The following IL22RA2 variants were observed in gnomAD, a reference collection of about 807,000 sequenced individuals.
The protein encoded by IL22RA2 is interleukin-22 receptor subunit alpha-2.
IL22RA2 carries 39 observed loss-of-function variants against 30.7 expected under a neutral mutation model. The observed-to-expected ratio is 1.27, with a 90% CI of 0.98 to 1.66. The LOEUF is 1.66. Ranked by LOEUF, IL22RA2 falls within the 40% of genes most tolerant of loss-of-function variation. The pLI is 0.00. For synonymous variants in IL22RA2, 103 were observed against 105.0 expected (o/e 0.98, Z 0.11); for missense variants, 315 against 312.7 (o/e 1.01, Z -0.05).
At chr6:137,164,718 C>T (rs1961618) in intron 1 of IL22RA2, among the ~76,000 whole-genome samples, 25,201 of 152,160 alleles carry the variant, frequency 0.17, 2,337 homozygotes, top group East Asian at 0.41. Flanking sequence ...TGAGGTCGGC[C>T]GCCTTAGGTC....
Position 137,155,005 on chromosome 6 carries a change from C to T in IL22RA2, c.408G>A (p.Arg136=). The change falls in exon 5 of 7, where the codon AGG becomes AGA. Residue 136 remains arginine (R), a synonymous_variant. Coordinates refer to ENST00000296980, the MANE Select transcript of IL22RA2 (RefSeq NM_052962.3). ...CTGAGTAGCTCCCAGCCGAGGCCGCCCTCACCCTCCCGTAATAAGGTTCCT... is the reference window on the plus strand; with the variant it reads ...CTGAGTAGCTCCCAGCCGAGGCCGCTCTCACCCTCCCGTAATAAGGTTCCT... ...DIQEPYYGRV[R]AASAGSYSEW... 1.9e-6 allele frequency: 3 copies of T among 1,614,014 alleles called. No homozygotes were observed. The highest frequency in any genetic ancestry group is 2.5e-6 in the Non-Finnish European group (3 of 1,179,936).
intron 2 of IL22RA2, among the ~76,000 whole-genome samples, chr6:137,159,447 A>G (rs1056182862): frequency 6.6e-6 from 1 of 151,920 alleles, no homozygotes; most frequent in Non-Finnish European, 1.5e-5. Flanking sequence ...CAGCCTCCTG[A>G]GTAGCTGGGA....
At position 137,147,981 on chromosome 6, in the gene IL22RA2, G is replaced by C. The variant is rs28362171; in HGVS notation, c.473-90C>G. On this transcript the variant is annotated intron_variant, in intron 5 of 6. Transcript: ENST00000296980. ...GTATAATGACAAATCAGCATGGTGGGAGGATCACCTGAGCCCAGGGAGGCC... is the reference window on the plus strand; with the variant it reads ...GTATAATGACAAATCAGCATGGTGGCAGGATCACCTGAGCCCAGGGAGGCC... 5,513 of 1,221,732 alleles carry C rather than the reference G, an allele frequency of 4.5e-3. 220 individuals carry two copies. In the African/African-American group the frequency reaches 0.077, roughly 17 times the overall value. 75.7% of individuals were successfully genotyped at this position (1,221,732 alleles called of 1,614,324 possible).
At chr6:137,156,982 C>A in intron 3 of IL22RA2, 128 bp from the exon 4 acceptor site, 2 of 1,278,184 alleles carry the variant, frequency 1.6e-6, no homozygotes, top group Non-Finnish European at 2.1e-6. Context: ...AGTGAGAACT[C>A]ACTCAACTGC....
intron 1 of IL22RA2, among the ~76,000 whole-genome samples, chr6:137,169,564 AAAAT>A (rs1287169919): frequency 1.3e-5 from 2 of 152,228 alleles, no homozygotes; most frequent in African/African-American, 4.8e-5. Flanking sequence ...TACTGAGGAA[AAAAT>A]AAATACTAAC....
intron 1 of IL22RA2, among the ~76,000 whole-genome samples, chr6:137,166,319 G>T (rs943812719): frequency 6.6e-6 from 1 of 152,150 alleles, no homozygotes; most frequent in Admixed American, 6.5e-5. Context: ...CTGACTCAAG[G>T]TATGCCTTTG....
intron 5 of IL22RA2, among the ~76,000 whole-genome samples, chr6:137,151,976 T>G (rs1778301065): frequency 6.6e-6 from 1 of 152,222 alleles, no homozygotes; most frequent in African/African-American, 2.4e-5. Flanking sequence ...TAGTCTGGCA[T>G]TTCCTCAAAT....
At chr6:137,162,030 A>G (rs1293203255) in intron 1 of IL22RA2, among the ~76,000 whole-genome samples, 1 of 152,174 alleles carries the variant, frequency 6.6e-6, no homozygotes, top group African/African-American at 2.4e-5. Context: ...TAGCTGCAGA[A>G]AGGTAAAACA....
rs1198260668 is a variant in IL22RA2 at position 137,144,903 on chromosome 6, A to C, written c.*721T>G. The C allele has an allele frequency of 1.3e-5, 2 of 152,182 alleles. No individual in the cohort carries two copies. Among genetic ancestry groups the C allele is most frequent in the Non-Finnish European group, 2.9e-5 (2 of 68,034 alleles). 9.4% of individuals were successfully genotyped at this position (152,182 alleles called of 1,614,324 possible). A position where few individuals can be genotyped will look rare whatever the true frequency, so the allele number is the denominator to read the frequency against. On this transcript the variant is annotated 3_prime_UTR_variant, in exon 7 of 7. Coordinates refer to ENST00000296980, the MANE Select transcript of IL22RA2 (RefSeq NM_052962.3). ...ACTAAACAAAACAAAAACAAACAGAAAAGAAAAGCTTAATATATCTTTTAA... is the reference window on the plus strand; with the variant it reads ...ACTAAACAAAACAAAAACAAACAGACAAGAAAAGCTTAATATATCTTTTAA...
At chr6:137,145,886 G>T in intron 6 of IL22RA2, 113 bp from the exon 7 acceptor site, 1 of 1,104,870 alleles carries the variant, frequency 9.1e-7, no homozygotes, top group Non-Finnish European at 1.3e-6. Context: ...TGGGTTGTGG[G>T]GTTTCTTCCC....
At position 137,158,329 on chromosome 6, in the gene IL22RA2, G is replaced by A. The variant is rs1778451280; in HGVS notation, c.197+18C>T. The A allele has an allele frequency of 6.2e-7, 1 of 1,613,616 alleles. No homozygotes were observed. The highest frequency in any genetic ancestry group is 1.1e-5 in the South Asian group (1 of 91,086). On this transcript the variant is annotated intron_variant, in intron 3 of 6. Coordinates refer to ENST00000296980, the MANE Select transcript of IL22RA2 (RefSeq NM_052962.3). The stretch of plus-strand genomic sequence containing the variant: ...CCAGTGCCATCTCTATCAGCTGAAG[G>A]AGGCTCAATTTACTTACATTTTGTA...
At chr6:137,172,937 C>T (rs1778773057) in intron 1 of IL22RA2, among the ~76,000 whole-genome samples, 1 of 151,894 alleles carries the variant, frequency 6.6e-6, no homozygotes, top group African/African-American at 2.4e-5. Flanking sequence ...GGATTTGCTT[C>T]AAAATAATAC....
chr6:137,150,304 G>A (rs979990884), intron 5 of IL22RA2, among the ~76,000 whole-genome samples: 5 of 152,026 alleles, frequency 3.3e-5, no homozygotes, highest in African/African-American at 1.2e-4. Flanking sequence ...AGCTGTGGTG[G>A]GAGAGCGCAA....
intron 1 of IL22RA2, among the ~76,000 whole-genome samples, chr6:137,162,466 G>A (rs1459632219): frequency 6.6e-6 from 1 of 152,204 alleles, no homozygotes; most frequent in Non-Finnish European, 1.5e-5. Flanking sequence ...GTGAGCTGGA[G>A]AAAGATTTTG....
chr6:137,151,559 T>C (rs1394546442), intron 5 of IL22RA2, among the ~76,000 whole-genome samples: 1 of 152,186 alleles, frequency 6.6e-6, no homozygotes, highest in Non-Finnish European at 1.5e-5. Flanking sequence ...TAAATTGGAT[T>C]TCATCCAAGT....
intron 5 of IL22RA2, 74 bp downstream of exon 5, chr6:137,154,867 A>G (rs184005108): frequency 7.9e-7 from 1 of 1,272,736 alleles, no homozygotes; most frequent in South Asian, 1.2e-5. Flanking sequence ...CACAAGGCCT[A>G]GTCACTAGCC....
At position 137,156,798 on chromosome 6, in the gene IL22RA2, T is replaced by G; in HGVS notation, c.254A>C (p.His85Pro). ...GCAGCCTGGGAAGTTACAAGAAATGTGCTGCCAGCATCCACTTGGCTTCTG... is the reference window on the plus strand; with the variant it reads ...GCAGCCTGGGAAGTTACAAGAAATGGGCTGCCAGCATCCACTTGGCTTCTG... ...SHQKPSGCWQHISCNFPGCRT... is the reference protein window; with the variant it reads ...SHQKPSGCWQPISCNFPGCRT... The change falls in exon 4 of 7, where the codon CAC becomes CCC. Residue 85 changes from histidine to proline, a missense_variant. By Grantham distance (77) the His-to-Pro change is moderately conservative. Transcript: ENST00000296980. The G allele has an allele frequency of 1.9e-6, 3 of 1,613,992 alleles. No homozygotes were observed. Among genetic ancestry groups the G allele is most frequent in the South Asian group, 1.1e-5 (1 of 91,080 alleles).
At chr6:137,161,653 A>G (rs1189416202) in intron 2 of IL22RA2, 36 bp downstream of exon 2, 6 of 1,559,628 alleles carry the variant, frequency 3.8e-6, no homozygotes, top group Non-Finnish European at 5.3e-6. Flanking sequence ...TCAGATGACA[A>G]AGCTATGAGC....
At chr6:137,159,025 C>T (rs529143250) in intron 2 of IL22RA2, among the ~76,000 whole-genome samples, 22 of 152,286 alleles carry the variant, frequency 1.4e-4, no homozygotes, top group Admixed American at 4.6e-4. Context: ...TATTTACCTG[C>T]CTGCATCCTG....
Sources: gnomAD v4.1 joint callset for allele counts (sites outside exome capture counted in the v4.1 genomes callset) on GRCh38, gnomAD v4.1.1 for gene constraint, MANE v1.5 for transcripts, NCBI Gene and HGNC (gene_info 2026-07-23, HGNC 2026-07-21) for gene names.